TRIO: variants seen among roughly 807,000 people sequenced by gnomAD.
TRIO encodes triple functional domain protein.
Under a neutral mutation model 351.9 loss-of-function variants are expected in TRIO, and 58 were observed. The observed-to-expected ratio is 0.16, with a 90% CI of 0.13 to 0.21. The LOEUF is 0.21. Among genes scored for constraint, TRIO ranks in the 10% least tolerant of loss-of-function variants. The pLI is 1.00. For missense variants in TRIO, 3,201 were observed against 4,027.8 expected (o/e 0.79, Z 5.56); for synonymous variants, 1,758 against 1,595.7 (o/e 1.10, Z -2.42).
intron 34 of TRIO, among the ~76,000 whole-genome samples, chr5:14,444,657 G>A (rs993110858): frequency 6.6e-6 from 1 of 152,232 alleles, no homozygotes; most frequent in Non-Finnish European, 1.5e-5. Flanking sequence ...CTACATTGAA[G>A]GTTCTATTTC....
chr5:14,340,175 A>G (rs1741812361), intron 11 of TRIO, among the ~76,000 whole-genome samples: 1 of 152,084 alleles, frequency 6.6e-6, no homozygotes, highest in African/African-American at 2.4e-5. Context: ...CAGTTGGATC[A>G]CGAGGTCAGG....
intron 37 of TRIO, among the ~76,000 whole-genome samples, chr5:14,470,546 C>T (rs980501335): frequency 6.6e-6 from 1 of 152,164 alleles, no homozygotes; most frequent in African/African-American, 2.4e-5. Context: ...CAGTCATTGT[C>T]ACATTAATCC....
At chr5:14,259,458 A>G (rs901297089) in intron 1 of TRIO, among the ~76,000 whole-genome samples, 4 of 152,190 alleles carry the variant, frequency 2.6e-5, no homozygotes, top group East Asian at 1.9e-4. Flanking sequence ...ACTTTTCTCA[A>G]CCCTCTTTGT....
intron 48 of TRIO, among the ~76,000 whole-genome samples, chr5:14,491,392 A>G (rs1404910257): frequency 2.0e-5 from 3 of 152,218 alleles, no homozygotes; most frequent in East Asian, 3.9e-4. Flanking sequence ...GAACCCATGA[A>G]CATCCCGACA....
intron 13 of TRIO, among the ~76,000 whole-genome samples, chr5:14,363,001 CTTTTTT>C (rs34314596): frequency 7.3e-6 from 1 of 136,084 alleles, no homozygotes; most frequent in African/African-American, 2.7e-5. Flanking sequence ...TTTCTATCTA[CTTTTTT>C]TTTTTTTTTT....
chr5:14,488,052 C>T lies in TRIO; in HGVS notation c.7424C>T (p.Pro2475Leu), dbSNP rs768715447. 5.0e-6 allele frequency: 8 copies of T among 1,609,170 alleles called. No homozygotes were observed. The Admixed American group carries it at 8.4e-5, about 17-fold the overall frequency. The change falls in exon 48 of 57, where the codon CCC becomes CTC. Residue 2475 changes from proline to leucine, a missense_variant. By Grantham distance (98) the Pro-to-Leu change is moderately conservative. This residue lies in a region of TRIO where 1,089 missense variants were observed against 954.9 expected (regional missense o/e 1.14). Transcript: ENST00000344204. ...VPSLGKEPFP[P>L]SSPLQKGGSF... ...TCTCTCGGCAAGGAGCCCTTCCCCC[C>T]CAGCAGCCCCCTGCAGAAGGGGGGC...
At chr5:14,404,320 G>A (rs1374923182) in intron 31 of TRIO, among the ~76,000 whole-genome samples, 1 of 152,036 alleles carries the variant, frequency 6.6e-6, no homozygotes, top group Non-Finnish European at 1.5e-5. Flanking sequence ...CCCTCTCTTA[G>A]CCAGGTAGGA....
intron 31 of TRIO, among the ~76,000 whole-genome samples, chr5:14,403,432 GGTT>G (rs1748338886): frequency 3.9e-5 from 4 of 103,734 alleles, no homozygotes; most frequent in Non-Finnish European, 5.8e-5. Flanking sequence ...TGAGGGTGTA[GGTT>G]GTGGTGAGGG....
At chr5:14,301,118 G>T (rs1048378836) in intron 7 of TRIO, among the ~76,000 whole-genome samples, 3 of 152,148 alleles carry the variant, frequency 2.0e-5, no homozygotes, top group Admixed American at 2.0e-4. Flanking sequence ...GGGAGTAGTA[G>T]AGTAAATGCT....
At chr5:14,355,138 C>T (rs1274498597) in intron 11 of TRIO, among the ~76,000 whole-genome samples, 1 of 152,200 alleles carries the variant, frequency 6.6e-6, no homozygotes, top group African/African-American at 2.4e-5. Flanking sequence ...CCCACCCCAC[C>T]ACCTGCATGT....
chr5:14,336,504 C>T (rs1384110445), intron 10 of TRIO, 32 bp from the exon 11 acceptor site: 1 of 1,605,542 alleles, frequency 6.2e-7, no homozygotes, highest in Non-Finnish European at 8.5e-7. Flanking sequence ...TTTCACTTAC[C>T]TTCTGTTTCT....
At chr5:14,387,956 T>G (rs1746691264) in intron 23 of TRIO, 109 bp downstream of exon 23, 1 of 1,176,698 alleles carries the variant, frequency 8.5e-7, no homozygotes, top group Non-Finnish European at 1.2e-6. Context: ...CACCCAGGCT[T>G]TTTGTTGCTC....
intron 1 of TRIO, among the ~76,000 whole-genome samples, chr5:14,211,334 A>T (rs979273678): frequency 6.6e-6 from 1 of 152,244 alleles, no homozygotes; most frequent in Non-Finnish European, 1.5e-5. Context: ...AATATGAATG[A>T]GTAATTTAGA....
intron 1 of TRIO, among the ~76,000 whole-genome samples, chr5:14,206,898 A>G (rs1350524060): frequency 6.6e-6 from 1 of 152,176 alleles, no homozygotes; most frequent in African/African-American, 2.4e-5. Flanking sequence ...ATCATGTTAC[A>G]TATGTTTAAA....
chr5:14,267,644 G>C (rs1262109428), intron 1 of TRIO, among the ~76,000 whole-genome samples: 3 of 152,124 alleles, frequency 2.0e-5, no homozygotes, highest in Admixed American at 6.5e-5. Flanking sequence ...AACACAGCCT[G>C]CCTTTTTGAT....
At chr5:14,329,903 T>C (rs559244837) in intron 9 of TRIO, among the ~76,000 whole-genome samples, 2 of 152,322 alleles carry the variant, frequency 1.3e-5, no homozygotes, top group Admixed American at 6.5e-5. Flanking sequence ...ATATGTGGGC[T>C]TCACGTTCTG....
intron 1 of TRIO, among the ~76,000 whole-genome samples, chr5:14,220,246 C>T (rs946908840): frequency 4.6e-5 from 7 of 152,054 alleles, no homozygotes; most frequent in Middle Eastern, 3.4e-3. Flanking sequence ...ATGTTTTTAG[C>T]GTAATTGTTT....
chr5:14,193,861 C>A (rs1790591210), intron 1 of TRIO, among the ~76,000 whole-genome samples: 1 of 151,270 alleles, frequency 6.6e-6, no homozygotes, highest in Non-Finnish European at 1.5e-5. Context: ...AGGATGCTGA[C>A]CTTACTGTAG....
At chr5:14,442,719 G>A (rs749315919) in intron 34 of TRIO, among the ~76,000 whole-genome samples, 1 of 152,196 alleles carries the variant, frequency 6.6e-6, no homozygotes, top group Non-Finnish European at 1.5e-5. Context: ...TGCACTGGGT[G>A]GGTTAAAGTA....
Sources: allele counts gnomAD v4.1 joint callset (sites outside exome capture counted in the v4.1 genomes callset), GRCh38; gene constraint gnomAD v4.1.1; regional missense constraint gnomAD v4.1.1; transcripts MANE v1.5; gene names NCBI Gene and HGNC (gene_info 2026-07-23, HGNC 2026-07-21).